DPYD: variants seen among roughly 807,000 people sequenced by gnomAD.
DPYD encodes the protein dihydropyrimidine dehydrogenase.
In DPYD, 109 loss-of-function variants were observed where a neutral mutation model predicts 116.2. That is an observed-to-expected ratio of 0.94 (90% confidence interval 0.80 to 1.10). The LOEUF (loss-of-function observed/expected upper bound fraction) is 1.10. Among genes scored for constraint, DPYD ranks in the 50% least tolerant of loss-of-function variants. The pLI is 0.00. For synonymous variants in DPYD, 440 were observed against 432.0 expected, an observed-to-expected ratio of 1.02 and a Z score of -0.23; for missense variants, 1,302 against 1,254.5, an observed-to-expected ratio of 1.04 and a Z score of -0.57.
chr1:97,377,509 C>G (rs910093146), intron 15 of DPYD, among the ~76,000 whole-genome samples: 1 of 152,122 alleles, frequency 6.6e-6, no homozygotes, highest in Non-Finnish European at 1.5e-5. Context: ...CCTACATTGT[C>G]TATACCTCAG....
At chr1:97,602,182 C>T (rs1655289218) in intron 8 of DPYD, among the ~76,000 whole-genome samples, 1 of 151,898 alleles carries the variant, frequency 6.6e-6, no homozygotes, top group Admixed American at 6.6e-5. Context: ...TGCTGAATTT[C>T]TCTTTGTATT....
At chr1:97,628,503 G>C (rs1238934606) in intron 8 of DPYD, among the ~76,000 whole-genome samples, 2 of 152,020 alleles carry the variant, frequency 1.3e-5, no homozygotes, top group African/African-American at 4.8e-5. Flanking sequence ...TGCTGTTTTA[G>C]GTCCTGCCAT....
intron 3 of DPYD, among the ~76,000 whole-genome samples, chr1:97,812,429 T>C (rs1201449699): frequency 1.3e-5 from 2 of 152,110 alleles, no homozygotes; most frequent in African/African-American, 4.8e-5. Context: ...AAATATTCAA[T>C]CTGAATCATG....
intron 16 of DPYD, among the ~76,000 whole-genome samples, chr1:97,363,101 T>A (rs966900758): frequency 2.6e-5 from 4 of 151,974 alleles, no homozygotes; most frequent in Admixed American, 1.3e-4. Flanking sequence ...TAAACAAATT[T>A]ACAAGAAAAA....
At chr1:97,709,106 T>A (rs1400843580) in intron 5 of DPYD, among the ~76,000 whole-genome samples, 2 of 151,970 alleles carry the variant, frequency 1.3e-5, no homozygotes, top group African/African-American at 4.8e-5. Context: ...CTTCTCTGTA[T>A]ACATTTCCTT....
In DPYD at chr1:97,096,920, G is replaced by A. The variant is rs545141760; in HGVS notation, c.2766+1569C>T. ...ATTTAAGAGCTGTAACACTCACTGC[G>A]AAGGTCCACGGCTTCATTCTCGAAG... On this transcript the variant is annotated intron_variant, in intron 21 of 22. Transcript: ENST00000370192. Among the ~76,000 whole-genome samples the A allele has an allele frequency of 1.8e-4, 28 of 152,218 alleles. No homozygotes were observed. In the South Asian group the frequency reaches 5.0e-3, roughly 27 times the overall value.
At chr1:97,424,615 C>T (rs1242117719) in intron 14 of DPYD, among the ~76,000 whole-genome samples, 1 of 152,072 alleles carries the variant, frequency 6.6e-6, no homozygotes. Context: ...CTCTATAACA[C>T]TCATTATATA....
chr1:97,631,601 C>A (rs1461872298), intron 8 of DPYD, among the ~76,000 whole-genome samples: 1 of 151,946 alleles, frequency 6.6e-6, no homozygotes, highest in African/African-American at 2.4e-5. Context: ...TTCAAAGGAA[C>A]TAAGCCAGAG....
At chr1:97,526,145 T>C (rs886697051) in intron 12 of DPYD, among the ~76,000 whole-genome samples, 5 of 152,126 alleles carry the variant, frequency 3.3e-5, no homozygotes, top group Admixed American at 2.0e-4. Context: ...TGAACTCCTT[T>C]GGTGGGAAGT....
intron 2 of DPYD, among the ~76,000 whole-genome samples, chr1:97,860,661 G>A (rs1671069176): frequency 6.6e-6 from 1 of 151,628 alleles, no homozygotes; most frequent in Admixed American, 6.6e-5. Context: ...TGACAAACCA[G>A]AAACTGAAAT....
chr1:97,616,629 C>T (rs1571067082), intron 8 of DPYD, among the ~76,000 whole-genome samples: 1 of 152,076 alleles, frequency 6.6e-6, no homozygotes, highest in African/African-American at 2.4e-5. Context: ...CCGTCTCTAA[C>T]CATGTAGCTC....
At chr1:97,542,528 T>C (rs1344680655) in intron 12 of DPYD, among the ~76,000 whole-genome samples, 1 of 152,188 alleles carries the variant, frequency 6.6e-6, no homozygotes, top group African/African-American at 2.4e-5. Flanking sequence ...TCTTATTCTT[T>C]TTAAATTTTG....
chr1:97,836,602 T>C (rs1049519115), intron 2 of DPYD, among the ~76,000 whole-genome samples: 1 of 152,018 alleles, frequency 6.6e-6, no homozygotes, highest in Non-Finnish European at 1.5e-5. Flanking sequence ...ACAATTAACA[T>C]ATGAATATGT....
At chr1:97,389,085 T>A (rs1672523132) in intron 14 of DPYD, among the ~76,000 whole-genome samples, 1 of 152,050 alleles carries the variant, frequency 6.6e-6, no homozygotes, top group African/African-American at 2.4e-5. Context: ...GGTCTCTTAC[T>A]GAGAGTAAAG....
chr1:97,314,623 C>G (rs1253574000), intron 16 of DPYD, among the ~76,000 whole-genome samples: 2 of 151,710 alleles, frequency 1.3e-5, no homozygotes, highest in Non-Finnish European at 2.9e-5. Flanking sequence ...ATCCTCTCCA[C>G]CAGCTCACTT....
chr1:97,843,591 C>T (rs924391871), intron 2 of DPYD, among the ~76,000 whole-genome samples: 2 of 152,152 alleles, frequency 1.3e-5, no homozygotes, highest in Admixed American at 1.3e-4. Context: ...TTATTTATAG[C>T]ATTCAATCAG....
intron 10 of DPYD, among the ~76,000 whole-genome samples, chr1:97,582,714 T>C (rs138144929): frequency 7.2e-5 from 11 of 152,312 alleles, no homozygotes; most frequent in African/African-American, 2.2e-4. Flanking sequence ...CATTCACATA[T>C]AGAATGTTTT....
At chr1:97,635,019 C>G (rs1047033723) in intron 8 of DPYD, among the ~76,000 whole-genome samples, 3 of 151,840 alleles carry the variant, frequency 2.0e-5, no homozygotes, top group Non-Finnish European at 4.4e-5. Context: ...AGTCCATGTT[C>G]TGTTTACTTA....
chr1:97,589,220 A>G (rs1654346655), intron 10 of DPYD, among the ~76,000 whole-genome samples: 1 of 152,198 alleles, frequency 6.6e-6, no homozygotes, highest in South Asian at 2.1e-4. Flanking sequence ...GTCTAACCAT[A>G]TAGTTCTTGG....
Sources: gnomAD v4.1 joint callset for allele counts (sites outside exome capture counted in the v4.1 genomes callset) on GRCh38, gnomAD v4.1.1 for gene constraint, MANE v1.5 for transcripts, NCBI Gene and HGNC (gene_info 2026-07-23, HGNC 2026-07-21) for gene names.